The following VAV3 variants were observed in gnomAD, a reference collection of about 807,000 sequenced individuals.
VAV3 encodes the protein vav guanine nucleotide exchange factor 3, also known as guanine nucleotide exchange factor VAV3.
In VAV3, 94 loss-of-function variants were observed where a neutral mutation model predicts 131.2. The ratio of observed to expected loss-of-function variants is 0.72; its 90% CI spans 0.61 to 0.85. The LOEUF (loss-of-function observed/expected upper bound fraction) is 0.85, where lower values mean the gene tolerates loss of function less well. Among genes scored for constraint, VAV3 ranks in the 40% least tolerant of loss-of-function variants. The probability of loss-of-function intolerance (pLI) is 0.00; values close to 1 mark genes in which losing one functional copy is unlikely to be tolerated. For synonymous variants in VAV3, 349 were observed against 342.0 expected (o/e 1.02, Z -0.22); for missense variants, 939 against 1,002.7 (o/e 0.94, Z 0.86).
intron 1 of VAV3, among the ~76,000 whole-genome samples, chr1:107,916,271 T>C (rs1397835210): frequency 2.6e-5 from 4 of 152,324 alleles, no homozygotes; most frequent in East Asian, 1.9e-4. Context: ...CTGGTAAGAA[T>C]AGAAGCATAC....
chr1:107,902,967 T>C (rs1057273655), intron 1 of VAV3, among the ~76,000 whole-genome samples: 2 of 152,126 alleles, frequency 1.3e-5, no homozygotes, highest in Admixed American at 1.3e-4. Flanking sequence ...TTAAACCAGG[T>C]TTTCGTTAAA....
intron 24 of VAV3, among the ~76,000 whole-genome samples, chr1:107,596,572 T>C (rs1240770345): frequency 6.6e-6 from 1 of 152,134 alleles, no homozygotes; most frequent in Non-Finnish European, 1.5e-5. Context: ...TTACCCCCTA[T>C]TGTTATTCAC....
chr1:107,623,489 G>A (rs553258893), intron 20 of VAV3, among the ~76,000 whole-genome samples: 141 of 152,170 alleles, frequency 9.3e-4, no homozygotes, highest in African/African-American at 2.7e-3. Flanking sequence ...TTGCTAAGCC[G>A]CAAGGAACAT....
chr1:107,695,972 A>G (rs1659717299), intron 17 of VAV3, among the ~76,000 whole-genome samples: 1 of 152,158 alleles, frequency 6.6e-6, no homozygotes, highest in Non-Finnish European at 1.5e-5. Flanking sequence ...TCTATAAACA[A>G]GTCTGATGTT....
chr1:107,695,406 C>T (rs1345681052), intron 17 of VAV3, among the ~76,000 whole-genome samples: 1 of 152,102 alleles, frequency 6.6e-6, no homozygotes, highest in African/African-American at 2.4e-5. Flanking sequence ...ATTATCAATG[C>T]ATCCTAGAGA....
At position 107,757,593 on chromosome 1, in the gene VAV3, T is replaced by A. The variant is rs150139754; in HGVS notation, c.1018-264A>T. 2.2e-4 allele frequency among the ~76,000 whole-genome samples: 33 copies of A among 152,294 alleles called. 1 individual carries two copies. The highest frequency in any genetic ancestry group is 7.2e-4 in the African/African-American group (30 of 41,564). On this transcript the variant is annotated intron_variant, in intron 10 of 26. Coordinates refer to ENST00000370056, the MANE Select transcript of VAV3 (RefSeq NM_006113.5). ...TCCACCACCATTACACTGACATTGA[T>A]CCCTATTGTTATGAAAGATTCCATA...
intron 24 of VAV3, among the ~76,000 whole-genome samples, chr1:107,599,448 T>C (rs1050316669): frequency 4.6e-5 from 7 of 152,100 alleles, no homozygotes; most frequent in African/African-American, 1.7e-4. Context: ...ACAATTCAAG[T>C]CTCTCAAAAA....
At chr1:107,806,207 A>C (rs2102316657) in intron 2 of VAV3, among the ~76,000 whole-genome samples, 1 of 152,298 alleles carries the variant, frequency 6.6e-6, no homozygotes, top group Admixed American at 6.5e-5. Context: ...AGGGAACACA[A>C]GACAATGGGG....
intron 1 of VAV3, among the ~76,000 whole-genome samples, chr1:107,953,891 A>G (rs143328426): frequency 6.6e-6 from 1 of 152,384 alleles, no homozygotes; most frequent in Non-Finnish European, 1.5e-5. Flanking sequence ...TCATGTGAGT[A>G]GCATGTGCTG....
chr1:107,952,489 C>T (rs34544361), intron 1 of VAV3, among the ~76,000 whole-genome samples: 119,198 of 133,144 alleles, frequency 0.9, 54,125 homozygotes, highest in Non-Finnish European at 0.97. Context: ...TATATATACA[C>T]ACATAAATTC....
intron 2 of VAV3, among the ~76,000 whole-genome samples, chr1:107,796,723 G>A (rs945649100): frequency 8.0e-5 from 12 of 150,706 alleles, no homozygotes; most frequent in Non-Finnish European, 1.0e-4. Flanking sequence ...TGGGAATCAT[G>A]ACAGAGTCAA....
At chr1:107,883,236 C>A (rs1484770108) in intron 1 of VAV3, among the ~76,000 whole-genome samples, 1 of 152,126 alleles carries the variant, frequency 6.6e-6, no homozygotes, top group Non-Finnish European at 1.5e-5. Flanking sequence ...TGTAAAAACA[C>A]ATGCACCCTC....
intron 24 of VAV3, among the ~76,000 whole-genome samples, chr1:107,597,162 G>A (rs186990338): frequency 8.0e-4 from 119 of 148,672 alleles, no homozygotes; most frequent in African/African-American, 2.7e-3. Flanking sequence ...GAAAATAAAC[G>A]AAAAATCACT....
chr1:107,771,019 G>A (rs999503786), intron 5 of VAV3, among the ~76,000 whole-genome samples: 2 of 152,180 alleles, frequency 1.3e-5, no homozygotes, highest in African/African-American at 4.8e-5. Flanking sequence ...AATGGTGTAT[G>A]ATTATTTCCT....
rs1311162034 is a variant in VAV3 at position 107,642,771 on chromosome 1, A to G, written c.1778-16T>C. On this transcript the variant is annotated splice_polypyrimidine_tract_variant and intron_variant, in intron 19 of 26. Transcript: ENST00000370056. ...TTTGGTAAACCTGAAAATAAGCCAA[A>G]CAAGTTTTAGAATTGAGAAAACAAT... is the stretch of plus-strand genomic sequence containing the variant. 2 of 1,612,964 alleles carry G rather than the reference A, an allele frequency of 1.2e-6. No homozygotes were observed. Among genetic ancestry groups the G allele is most frequent in the East Asian group, 2.2e-5 (1 of 44,826 alleles).
At chr1:107,621,448 T>G (rs540795454) in intron 20 of VAV3, among the ~76,000 whole-genome samples, 69 of 152,148 alleles carry the variant, frequency 4.5e-4, no homozygotes, top group Non-Finnish European at 7.7e-4. Context: ...TTGGTGGATG[T>G]GTGTGGGATG....
chr1:107,683,594 TTGTA>T, intron 18 of VAV3, 61 bp from the exon 19 acceptor site: 1 of 1,540,942 alleles, frequency 6.5e-7, no homozygotes, highest in Non-Finnish European at 9.0e-7. Context: ...CACTATTAAA[TTGTA>T]TTACTACTGG....
In VAV3 at chr1:107,755,474, CATT is replaced by C; in HGVS notation, c.1123_1125del (p.Asn375del). 1.2e-6 allele frequency: 2 copies of C among 1,613,758 alleles called. No homozygotes were observed. Among genetic ancestry groups the C allele is most frequent in the Non-Finnish European group, 1.7e-6 (2 of 1,179,736 alleles). ...AACTGTTTAATTTCACGAAGGGTCT[CATT>C]ATCTCTTTTCACTTCATTCACATAT... On this transcript the variant is annotated inframe_deletion, in exon 12 of 27. Coordinates refer to ENST00000370056, the MANE Select transcript of VAV3 (RefSeq NM_006113.5).
intron 5 of VAV3, among the ~76,000 whole-genome samples, chr1:107,771,542 C>T (rs772183391): frequency 6.6e-5 from 10 of 152,196 alleles, no homozygotes; most frequent in South Asian, 2.1e-4. Flanking sequence ...CGCGAGCTAC[C>T]GCGCCCGGCC....
Sources: gnomAD v4.1 joint callset for allele counts (sites outside exome capture counted in the v4.1 genomes callset) on GRCh38, gnomAD v4.1.1 for gene constraint, MANE v1.5 for transcripts, NCBI Gene and HGNC (gene_info 2026-07-23, HGNC 2026-07-21) for gene names.